The following PCDHGA1 variants were observed in gnomAD, a reference collection of about 807,000 sequenced individuals.
The protein encoded by PCDHGA1 is protocadherin gamma subfamily A, 1.
In PCDHGA1, 32 loss-of-function variants were observed where a neutral mutation model predicts 58.0. The observed-to-expected ratio is 0.55, with a 90% CI of 0.42 to 0.74. PCDHGA1 has a LOEUF of 0.74. Ranked by LOEUF, PCDHGA1 falls within the 30% of genes least tolerant of loss-of-function variation. PCDHGA1 has a pLI of 0.00. For synonymous variants in PCDHGA1, 498 were observed against 501.1 expected, an observed-to-expected ratio of 0.99 and a Z score of 0.08; for missense variants, 1,205 against 1,182.3, an observed-to-expected ratio of 1.02 and a Z score of -0.28.
intron 1 of PCDHGA1, chr5:141,484,911 T>G (rs2154580253): frequency 9.3e-6 from 4 of 432,018 alleles, no homozygotes; most frequent in South Asian, 3.3e-5. Context: ...CTGCGACGCA[T>G]TAACCCTGCT....
intron 1 of PCDHGA1, chr5:141,387,787 A>C (rs2091094069): frequency 6.1e-6 from 9 of 1,479,268 alleles, no homozygotes; most frequent in Non-Finnish European, 1.8e-6. Context: ...CTGGAACTGC[A>C]ACTAAAGTCC....
At chr5:141,492,587 C>G (rs2154587748) in intron 1 of PCDHGA1, among the ~76,000 whole-genome samples, 1 of 152,314 alleles carries the variant, frequency 6.6e-6, no homozygotes, top group African/African-American at 2.4e-5. Flanking sequence ...GGGCCAGGAG[C>G]GCTGGAGCGA....
Position 141,485,660 on chromosome 5 carries a change from G to A in PCDHGA1, c.2422-9147G>A. On this transcript the variant is annotated intron_variant, in intron 1 of 3. Transcript: ENST00000517417. The surrounding 1 kb of genome is among the most constrained non-coding windows in gnomAD (Gnocchi z 5.7). ...GGAAAAGGCTCAGGATGCAGATGTG[G>A]GGAGCAATTCGATTAGCAGCTATAG... is the stretch of plus-strand genomic sequence containing the variant. 1 of 1,612,716 alleles carries A rather than the reference G, an allele frequency of 6.2e-7. No individual in the cohort carries two copies. Among genetic ancestry groups the A allele is most frequent in the Non-Finnish European group, 8.5e-7 (1 of 1,178,898 alleles).
chr5:141,383,287 G>A (rs753501762), intron 1 of PCDHGA1: 2 of 1,613,798 alleles, frequency 1.2e-6, no homozygotes, highest in South Asian at 2.2e-5. Context: ...TAATGACAAC[G>A]TTCCAAGATT....
rs1758506119 is a variant in PCDHGA1, at chr5:141,350,568, T to C, written c.2421+17463T>C. The C allele has an allele frequency of 6.2e-7, 1 of 1,614,036 alleles. No individual in the cohort carries two copies. Among genetic ancestry groups the C allele is most frequent in the Non-Finnish European group, 8.5e-7 (1 of 1,179,894 alleles). On this transcript the variant is annotated intron_variant, in intron 1 of 3. Coordinates refer to ENST00000517417, the MANE Select transcript of PCDHGA1 (RefSeq NM_018912.3). The stretch of plus-strand genomic sequence containing the variant: ...AGGAAACTTGAGTGTGCACTAGAAT[T>C]CGAAACGGTCGCTGAAAACCCAATG...
intron 1 of PCDHGA1, chr5:141,411,845 G>C (rs984420523): frequency 6.6e-6 from 1 of 151,920 alleles, no homozygotes; most frequent in Non-Finnish European, 1.5e-5. Context: ...AGGTGACAGA[G>C]TGAGACCCTG....
intron 1 of PCDHGA1, among the ~76,000 whole-genome samples, chr5:141,407,761 G>T (rs938743690): frequency 6.6e-6 from 1 of 152,132 alleles, no homozygotes; most frequent in Non-Finnish European, 1.5e-5. Context: ...GTATAAGTTT[G>T]AAATTGTGCA....
chr5:141,434,889 A>C (rs1213631251), intron 1 of PCDHGA1, among the ~76,000 whole-genome samples: 2 of 151,512 alleles, frequency 1.3e-5, no homozygotes, highest in African/African-American at 4.8e-5. Context: ...ACAACAATCC[A>C]GTCCCCTTCC....
At chr5:141,483,737 G>T (rs1052778197) in intron 1 of PCDHGA1, among the ~76,000 whole-genome samples, 1 of 152,102 alleles carries the variant, frequency 6.6e-6, no homozygotes, top group Admixed American at 6.5e-5. Flanking sequence ...TAGTCAAAAG[G>T]ATATTCCTGA....
chr5:141,437,434 G>A (rs183505868), intron 1 of PCDHGA1, among the ~76,000 whole-genome samples: 409 of 152,312 alleles, frequency 2.7e-3, no homozygotes, highest in Middle Eastern at 6.8e-3. Flanking sequence ...AGCAGCAATA[G>A]CATAGGAATG....
At chr5:141,405,775 G>A (rs2094716657) in intron 1 of PCDHGA1, among the ~76,000 whole-genome samples, 1 of 152,002 alleles carries the variant, frequency 6.6e-6, no homozygotes, top group African/African-American at 2.4e-5. Flanking sequence ...ACTGCGCCTG[G>A]CCCTTAACTT....
chr5:141,495,470 C>A (rs2099761615), intron 2 of PCDHGA1, among the ~76,000 whole-genome samples: 1 of 152,196 alleles, frequency 6.6e-6, no homozygotes, highest in African/African-American at 2.4e-5. Flanking sequence ...GTGGGGTCTC[C>A]GTGTCTCTGC....
chr5:141,468,055 T>G (rs2099156893), intron 1 of PCDHGA1, among the ~76,000 whole-genome samples: 1 of 152,096 alleles, frequency 6.6e-6, no homozygotes, highest in Admixed American at 6.5e-5. Flanking sequence ...CCGGGCACAG[T>G]GGCTCACACC....
At chr5:141,429,801 C>T (rs2097245893) in intron 1 of PCDHGA1, among the ~76,000 whole-genome samples, 1 of 152,104 alleles carries the variant, frequency 6.6e-6, no homozygotes, top group African/African-American at 2.4e-5. Flanking sequence ...CAGTAATTCT[C>T]AGTAATTACA....
intron 1 of PCDHGA1, chr5:141,372,285 A>C (rs1588702702): frequency 6.2e-7 from 1 of 1,613,032 alleles, no homozygotes; most frequent in Non-Finnish European, 8.5e-7. Flanking sequence ...CACGGCGCGT[A>C]CCTTGGGCGA....
rs115262984 is a variant in PCDHGA1 at position 141,463,089 on chromosome 5, C to T, written c.2422-31718C>T. ...AATGAAATTCAAACATTTTCCAGCC[C>T]TATGTGACCATCAAGAATTCAGCTA... On this transcript the variant is annotated intron_variant, in intron 1 of 3. Coordinates refer to ENST00000517417, the MANE Select transcript of PCDHGA1 (RefSeq NM_018912.3). Among the ~76,000 whole-genome samples the T allele has an allele frequency of 2.5e-3, 374 of 152,264 alleles. 2 individuals are homozygous for T. Among genetic ancestry groups the T allele is most frequent in the African/African-American group, 8.7e-3 (360 of 41,552 alleles).
chr5:141,366,357 G>A, intron 1 of PCDHGA1: 1 of 1,614,020 alleles, frequency 6.2e-7, no homozygotes, highest in Non-Finnish European at 8.5e-7. Flanking sequence ...GCTGACCTAG[G>A]CAGTATCAAG....
In PCDHGA1 at chr5:141,443,822, A is replaced by G. The variant is rs183934410; in HGVS notation, c.2422-50985A>G. ...GAAACAGTTACCTTTGGAAAACATAATTAGGTAAAATGGGTAATATGGAAA... is the reference window on the plus strand; with the variant it reads ...GAAACAGTTACCTTTGGAAAACATAGTTAGGTAAAATGGGTAATATGGAAA... On this transcript the variant is annotated intron_variant, in intron 1 of 3. Coordinates refer to ENST00000517417, the MANE Select transcript of PCDHGA1 (RefSeq NM_018912.3). Among the ~76,000 whole-genome samples, 330 of 152,316 alleles carry G rather than the reference A, an allele frequency of 2.2e-3. 2 individuals carry two copies. Among genetic ancestry groups the G allele is most frequent in the Non-Finnish European group, 4.1e-3 (279 of 68,018 alleles).
intron 1 of PCDHGA1, among the ~76,000 whole-genome samples, chr5:141,382,462 T>A (rs1481999551): frequency 6.6e-6 from 1 of 152,240 alleles, no homozygotes; most frequent in Admixed American, 6.5e-5. Context: ...AGCAGTTTTT[T>A]AAAAATTATC....
Sources: allele counts gnomAD v4.1 joint callset (sites outside exome capture counted in the v4.1 genomes callset), GRCh38; gene constraint gnomAD v4.1.1; non-coding constraint Gnocchi (gnomAD v3.1); transcripts MANE v1.5; gene names NCBI Gene and HGNC (gene_info 2026-07-23, HGNC 2026-07-21).